PPARGC1B: variants seen among roughly 807,000 people sequenced by gnomAD.
PPARGC1B encodes the protein peroxisome proliferator-activated receptor gamma coactivator 1-beta.
PPARGC1B carries 34 observed loss-of-function variants against 101.6 expected under a neutral mutation model. That is an observed-to-expected ratio of 0.33 (90% CI 0.25 to 0.45). PPARGC1B has a LOEUF of 0.45. Ranked by LOEUF, PPARGC1B falls within the 20% of genes least tolerant of loss-of-function variation. The pLI, the probability that PPARGC1B is intolerant of heterozygous loss-of-function variation, is 1.00. For synonymous variants in PPARGC1B, 548 were observed against 539.3 expected, an observed-to-expected ratio of 1.02 and a Z score of -0.22; for missense variants, 1,234 against 1,317.6, an observed-to-expected ratio of 0.94 and a Z score of 0.98.
At chr5:149,731,514 C>A (rs1754465880) in intron 1 of PPARGC1B, among the ~76,000 whole-genome samples, 1 of 150,892 alleles carries the variant, frequency 6.6e-6, no homozygotes. Context: ...GAGGGGCGGC[C>A]GGGCGGAACC....
chr5:149,817,987 C>T (rs188432595), intron 1 of PPARGC1B, among the ~76,000 whole-genome samples: 4 of 152,358 alleles, frequency 2.6e-5, no homozygotes, highest in Admixed American at 1.3e-4. Context: ...AACAGGACCA[C>T]GGCTGCATCC....
intron 1 of PPARGC1B, among the ~76,000 whole-genome samples, chr5:149,748,016 A>G (rs879256173): frequency 3.9e-5 from 6 of 152,132 alleles, no homozygotes; most frequent in Admixed American, 6.5e-5. Context: ...ATCCACCCTA[A>G]GAGGAGAAGA....
At chr5:149,830,068 A>AAAC (rs1561602410) in intron 3 of PPARGC1B, among the ~76,000 whole-genome samples, 2 of 147,182 alleles carry the variant, frequency 1.4e-5, no homozygotes, top group Admixed American at 6.7e-5. Context: ...AAAAAAAAAA[A>AAAC]AACAGGGTGG....
intron 1 of PPARGC1B, among the ~76,000 whole-genome samples, chr5:149,740,415 C>T (rs571155147): frequency 7.2e-5 from 11 of 152,326 alleles, no homozygotes; most frequent in East Asian, 1.9e-4. Context: ...TTTGTCTTCC[C>T]TCTGAGCTCC....
At chr5:149,842,673 C>T (rs1030393752) in intron 10 of PPARGC1B, among the ~76,000 whole-genome samples, 4 of 152,274 alleles carry the variant, frequency 2.6e-5, no homozygotes, top group Non-Finnish European at 1.5e-5. Context: ...GCTCTCCTTT[C>T]TGCAGGAGTT....
intron 1 of PPARGC1B, among the ~76,000 whole-genome samples, chr5:149,784,547 G>A (rs1179421722): frequency 2.3e-5 from 3 of 130,216 alleles, no homozygotes; most frequent in African/African-American, 8.1e-5. Context: ...CCTCACTCCA[G>A]CCAACTGAGT....
chr5:149,805,742 C>T (rs1757576070), intron 1 of PPARGC1B, among the ~76,000 whole-genome samples: 1 of 152,188 alleles, frequency 6.6e-6, no homozygotes, highest in African/African-American at 2.4e-5. Context: ...GCCTATTTAT[C>T]TTTTTTGCCA....
At chr5:149,805,740 A>G (rs1206232901) in intron 1 of PPARGC1B, among the ~76,000 whole-genome samples, 2 of 152,358 alleles carry the variant, frequency 1.3e-5, no homozygotes, top group South Asian at 4.1e-4. Context: ...TGGCCTATTT[A>G]TCTTTTTTGC....
At chr5:149,777,826 C>CACAG (rs1305577059) in intron 1 of PPARGC1B, among the ~76,000 whole-genome samples, 14 of 115,814 alleles carry the variant, frequency 1.2e-4, no homozygotes, top group Non-Finnish European at 1.8e-4. Context: ...CACACACACA[C>CACAG]AGTATCCGGC....
chr5:149,750,707 T>C (rs895481687), intron 1 of PPARGC1B, among the ~76,000 whole-genome samples: 1 of 152,158 alleles, frequency 6.6e-6, no homozygotes, highest in Admixed American at 6.5e-5. Context: ...GTGAACCACA[T>C]TTAACGTACC....
chr5:149,820,557 C>CA lies in PPARGC1B; in HGVS notation c.204dup (p.Glu69ArgfsTer3), dbSNP rs1561585146. On this transcript the variant is annotated frameshift_variant, in exon 2 of 12. Transcript: ENST00000309241. LOFTEE classifies it high-confidence loss of function. ...GAGCTGCAGTGGTGCCCAGAGAACT[C>CA]AGAGACTGAACCCAACCAGTACAGC... 2 of 1,613,936 alleles carry CA rather than the reference C, an allele frequency of 1.2e-6. No homozygotes were observed. Among genetic ancestry groups the CA allele is most frequent in the Non-Finnish European group, 1.7e-6 (2 of 1,180,034 alleles).
Position 149,839,907 on chromosome 5 carries a change from G to A in PPARGC1B, c.2619-134G>A, listed in dbSNP as rs904527449. On this transcript the variant is annotated intron_variant, in intron 8 of 11. Transcript: ENST00000309241. ...GCAGAAGGGGAAGCTAGGTTTCTGC[G>A]GGAGGCAGTTCCAGCTGTGTGCCCT... The A allele has an allele frequency of 2.3e-5, 20 of 852,974 alleles. No individual in the cohort carries two copies. The South Asian group carries it at 2.7e-4, about 11-fold the overall frequency. The allele number at this position is 852,974 out of a possible 1,614,324, so 52.8% of individuals were successfully genotyped here.
At position 149,742,271 on chromosome 5, in the gene PPARGC1B, G is replaced by A. The variant is rs139356391; in HGVS notation, c.78+11851G>A. ...ATGGGGGCCCCGCCATGAAGTGTCT[G>A]TCCCCTCCCTGTGCCCCTCTCCCAT... On this transcript the variant is annotated intron_variant, in intron 1 of 11. Transcript: ENST00000309241. 2.5e-4 allele frequency among the ~76,000 whole-genome samples: 38 copies of A among 152,254 alleles called. No homozygotes were observed. The East Asian group carries it at 5.6e-3, about 22-fold the overall frequency.
chr5:149,834,833 C>T, intron 6 of PPARGC1B, 123 bp downstream of exon 6: 1 of 838,592 alleles, frequency 1.2e-6, no homozygotes, highest in Non-Finnish European at 1.9e-6. Flanking sequence ...ACCCTGTGCC[C>T]TGATTGTCAT....
chr5:149,830,072 AG>A (rs1758714339), intron 3 of PPARGC1B, among the ~76,000 whole-genome samples: 1 of 121,056 alleles, frequency 8.3e-6, no homozygotes, highest in Admixed American at 8.6e-5. Flanking sequence ...AAAAAAAAAC[AG>A]GGTGGGTTGG....
chr5:149,754,782 T>A, intron 1 of PPARGC1B, among the ~76,000 whole-genome samples: 1 of 141,572 alleles, frequency 7.1e-6, no homozygotes, highest in Admixed American at 7.1e-5. Context: ...TGATTTTTTT[T>A]TTTTTTTTTT....
At chr5:149,812,647 TCTGG>T (rs542754351) in intron 1 of PPARGC1B, among the ~76,000 whole-genome samples, 19 of 152,352 alleles carry the variant, frequency 1.2e-4, no homozygotes, top group African/African-American at 2.6e-4. Context: ...CCGTCCCTGC[TCTGG>T]CTTCTTTCTC....
chr5:149,746,219 G>A (rs540953469), intron 1 of PPARGC1B, among the ~76,000 whole-genome samples: 6 of 152,302 alleles, frequency 3.9e-5, no homozygotes, highest in African/African-American at 1.2e-4. Flanking sequence ...CTCTTCCCAG[G>A]CATTGCCATG....
At chr5:149,777,358 A>G (rs376684003) in intron 1 of PPARGC1B, among the ~76,000 whole-genome samples, 72 of 152,296 alleles carry the variant, frequency 4.7e-4, no homozygotes, top group African/African-American at 1.5e-3. Flanking sequence ...CTCTGTCTGC[A>G]GAACCTGTTC....
Sources: gnomAD v4.1 joint callset for allele counts (sites outside exome capture counted in the v4.1 genomes callset) on GRCh38, gnomAD v4.1.1 for gene constraint, MANE v1.5 for transcripts, NCBI Gene and HGNC (gene_info 2026-07-23, HGNC 2026-07-21) for gene names.